Variants in E2F5 observed in about 807,000 individuals in gnomAD.
The protein encoded by E2F5 is E2F transcription factor 5.
Under a neutral mutation model 39.1 loss-of-function variants are expected in E2F5, and 23 were observed. That is an observed-to-expected ratio of 0.59 (90% CI 0.42 to 0.83). The LOEUF is 0.83. Ranked by LOEUF, E2F5 falls within the 40% of genes least tolerant of loss-of-function variation. E2F5 has a pLI of 0.00. For missense variants in E2F5, 365 were observed against 406.7 expected (o/e 0.90, Z 0.88); for synonymous variants, 145 against 157.8 (o/e 0.92, Z 0.61).
At chr8:85,208,861 A>G (rs1443840553) in intron 5 of E2F5, among the ~76,000 whole-genome samples, 5 of 152,210 alleles carry the variant, frequency 3.3e-5, no homozygotes, top group Non-Finnish European at 7.3e-5. Context: ...GACCTATTAT[A>G]TAGTCACACA....
At chr8:85,187,616 C>T (rs560752226) in intron 1 of E2F5, 1 of 152,158 alleles carries the variant, frequency 6.6e-6, no homozygotes, top group East Asian at 1.9e-4. Context: ...CTTCTGCTTT[C>T]TTTTGGTTTC....
rs4150851 is a variant in E2F5 at position 85,183,247 on chromosome 8, G to A, written c.234+5593G>A. Among the ~76,000 whole-genome samples, 932 of 152,226 alleles carry A rather than the reference G, an allele frequency of 6.1e-3. 7 individuals carry two copies. Among genetic ancestry groups the A allele is most frequent in the African/African-American group, 0.021 (875 of 41,512 alleles). On this transcript the variant is annotated intron_variant, in intron 1 of 7. Coordinates refer to ENST00000416274, the MANE Select transcript of E2F5 (RefSeq NM_001951.4). ...AGCCTGGGTGACAGAGCAAGACTCC[G>A]TCTCGAAAAACAGCAACAACGACAA...
intron 5 of E2F5, among the ~76,000 whole-genome samples, chr8:85,208,815 T>C (rs1166588508): frequency 1.3e-5 from 2 of 152,210 alleles, no homozygotes; most frequent in Admixed American, 6.5e-5. Context: ...ATAAATTTCC[T>C]GTATATGGAG....
intron 1 of E2F5, among the ~76,000 whole-genome samples, chr8:85,195,775 A>C (rs908543159): frequency 2.0e-4 from 30 of 152,150 alleles, no homozygotes; most frequent in Non-Finnish European, 3.1e-4. Flanking sequence ...GATTACAGGC[A>C]TGAGCCACTG....
chr8:85,210,730 T>C (rs1386046680), intron 6 of E2F5, among the ~76,000 whole-genome samples: 1 of 151,720 alleles, frequency 6.6e-6, no homozygotes, highest in African/African-American at 2.4e-5. Flanking sequence ...CTAATTAGGA[T>C]ATAAAGCAGG....
rs1056631485 is a variant in E2F5 at position 85,201,994 on chromosome 8, G to A, written c.235-153G>A. On this transcript the variant is annotated intron_variant, in intron 1 of 7. Transcript: ENST00000416274. ...TTTCTTTGGTATTTGCAGTGTTTGG[G>A]AGATGCTTTGAACATGCTCAGCTAT... is the stretch of plus-strand genomic sequence containing the variant. 7 of 642,444 alleles carry A rather than the reference G, an allele frequency of 1.1e-5. No individual in the cohort carries two copies. The African/African-American group carries it at 1.1e-4, about 10-fold the overall frequency. The allele number at this position is 642,444 out of a possible 1,614,324, so 39.8% of individuals were successfully genotyped here.
At chr8:85,213,718 C>G (rs1250661755) in intron 7 of E2F5, 35 bp from the exon 8 acceptor site, 2 of 1,136,174 alleles carry the variant, frequency 1.8e-6, no homozygotes, top group South Asian at 2.5e-5. Flanking sequence ...TATGTAGAAA[C>G]CATCTTTAAC....
intron 1 of E2F5, among the ~76,000 whole-genome samples, chr8:85,194,547 T>C (rs1257129027): frequency 1.4e-5 from 2 of 147,022 alleles, no homozygotes; most frequent in Non-Finnish European, 1.5e-5. Context: ...TTTTTTTTTT[T>C]TTTTTGAGAC....
At chr8:85,178,622 C>T in intron 1 of E2F5, among the ~76,000 whole-genome samples, 1 of 152,246 alleles carries the variant, frequency 6.6e-6, no homozygotes, top group Non-Finnish European at 1.5e-5. Context: ...TCCCCTTTGA[C>T]TCCCTAAATG....
intron 1 of E2F5, among the ~76,000 whole-genome samples, chr8:85,192,253 T>C (rs779105779): frequency 6.6e-6 from 1 of 152,018 alleles, no homozygotes; most frequent in Non-Finnish European, 1.5e-5. Context: ...GGAGAAAGAA[T>C]TGAGAGGAAT....
chr8:85,192,092 C>T (rs969264370), intron 1 of E2F5, among the ~76,000 whole-genome samples: 20 of 152,086 alleles, frequency 1.3e-4, no homozygotes, highest in Non-Finnish European at 2.4e-4. Flanking sequence ...AGTGACAGAA[C>T]CTGGTGCTGA....
At chr8:85,208,689 T>C (rs1226758051) in intron 5 of E2F5, among the ~76,000 whole-genome samples, 1 of 152,218 alleles carries the variant, frequency 6.6e-6, no homozygotes. Flanking sequence ...AAGAATGTTA[T>C]ATTTATTTCT....
intron 1 of E2F5, among the ~76,000 whole-genome samples, chr8:85,180,672 G>A (rs1337151562): frequency 3.4e-5 from 5 of 145,370 alleles, no homozygotes; most frequent in African/African-American, 1.0e-4. Context: ...CCGCCTCCCG[G>A]GTTCATGCCA....
Position 85,177,642 on chromosome 8 carries a change from G to C in E2F5, c.222G>C (p.Leu74=), listed in dbSNP as rs761361128. ...TGCAGGAGGCCAAGGACGGCGTTCTGGATCTCAAAGCGGTGAGCTCCGGAG... is the reference window on the plus strand; with the variant it reads ...TGCAGGAGGCCAAGGACGGCGTTCTCGATCTCAAAGCGGTGAGCTCCGGAG... The part of the protein sequence containing the change: ...SLLQEAKDGV[L]DLKAAADTLA... The change falls in exon 1 of 8, where the codon CTG becomes CTC. Residue 74 remains leucine, a synonymous_variant. Coordinates refer to ENST00000416274, the MANE Select transcript of E2F5 (RefSeq NM_001951.4). The C allele has an allele frequency of 3.9e-6, 5 of 1,292,940 alleles. No homozygotes were observed. The East Asian group carries it at 1.1e-4, about 29-fold the overall frequency. 80.1% of individuals were successfully genotyped at this position (1,292,940 alleles called of 1,614,324 possible). A position where few individuals can be genotyped will look rare whatever the true frequency, so the allele number is the denominator to read the frequency against.
intron 4 of E2F5, 38 bp downstream of exon 4, chr8:85,206,258 C>T (rs750332216): frequency 6.3e-7 from 1 of 1,589,174 alleles, no homozygotes; most frequent in Non-Finnish European, 8.6e-7. Flanking sequence ...TTCTTCCTCT[C>T]AACCTATTTA....
intron 1 of E2F5, among the ~76,000 whole-genome samples, chr8:85,182,004 A>C (rs567040480): frequency 6.6e-6 from 1 of 152,118 alleles, no homozygotes; most frequent in African/African-American, 2.4e-5. Flanking sequence ...CAATTTTAAT[A>C]AAGCTGTTGT....
intron 1 of E2F5, among the ~76,000 whole-genome samples, chr8:85,190,995 C>T (rs576189425): frequency 2.0e-5 from 3 of 152,192 alleles, no homozygotes; most frequent in South Asian, 2.1e-4. Flanking sequence ...GCAAAGAAAT[C>T]GATTCTTCCT....
At chr8:85,183,335 T>G (rs746014783) in intron 1 of E2F5, among the ~76,000 whole-genome samples, 2 of 152,174 alleles carry the variant, frequency 1.3e-5, no homozygotes, top group Non-Finnish European at 2.9e-5. Context: ...TAAGGAGAGA[T>G]ATGTGGGTAG....
At chr8:85,185,019 C>G (rs766593259) in intron 1 of E2F5, among the ~76,000 whole-genome samples, 4 of 152,040 alleles carry the variant, frequency 2.6e-5, no homozygotes, top group African/African-American at 7.2e-5. Flanking sequence ...CTACTTCAAA[C>G]TTCATAGGGA....
Sources: gnomAD v4.1 joint callset for allele counts (sites outside exome capture counted in the v4.1 genomes callset) on GRCh38, gnomAD v4.1.1 for gene constraint, MANE v1.5 for transcripts, NCBI Gene and HGNC (gene_info 2026-07-23, HGNC 2026-07-21) for gene names.